ATCAY: variants seen among roughly 807,000 people sequenced by gnomAD.
ATCAY encodes the protein ATCAY kinesin light chain interacting caytaxin, also known as caytaxin.
ATCAY carries 22 observed loss-of-function variants against 47.7 expected under a neutral mutation model. The observed-to-expected ratio is 0.46, with a 90% CI of 0.33 to 0.66. ATCAY has a LOEUF of 0.66. Ranked by LOEUF, ATCAY falls within the 30% of genes least tolerant of loss-of-function variation. The pLI is 0.02. For synonymous variants in ATCAY, 216 were observed against 207.6 expected, an observed-to-expected ratio of 1.04 and a Z score of -0.35; for missense variants, 452 against 515.0, an observed-to-expected ratio of 0.88 and a Z score of 1.18.
At chr19:3,909,675 G>A in intron 7 of ATCAY, 58 bp downstream of exon 7, 1 of 1,542,254 alleles carries the variant, frequency 6.5e-7, no homozygotes, top group Non-Finnish European at 8.7e-7. Context: ...ACAGGGGGCT[G>A]GACATGGTGG....
chr19:3,885,779 C>G lies in ATCAY; in HGVS notation c.12C>G (p.Thr4=). The G allele has an allele frequency of 6.4e-7, 1 of 1,551,406 alleles. No homozygotes were observed. Among genetic ancestry groups the G allele is most frequent in the Non-Finnish European group, 8.7e-7 (1 of 1,147,214 alleles). The change falls in exon 2 of 13, where the codon ACC becomes ACG. Residue 4 remains threonine (T), a synonymous_variant. Transcript: ENST00000450849. ...TCTTCCCAGCTCCCATGGGGACCAC[C>G]GAAGCCACGCTCCGGATGGAAAACG... MGT[T]EATLRMENVD...
chr19:3,892,034 C>T (rs1311100560), intron 2 of ATCAY, among the ~76,000 whole-genome samples: 2 of 151,936 alleles, frequency 1.3e-5, no homozygotes, highest in Admixed American at 6.6e-5. Flanking sequence ...AGTTTACAGG[C>T]GCCCACCACC....
intron 2 of ATCAY, among the ~76,000 whole-genome samples, chr19:3,886,179 C>A (rs1010821700): frequency 6.6e-6 from 1 of 152,154 alleles, no homozygotes; most frequent in African/African-American, 2.4e-5. Context: ...CTGGGCGCGG[C>A]GGTTCACGCC....
intron 2 of ATCAY, among the ~76,000 whole-genome samples, chr19:3,892,723 C>T (rs1479867244): frequency 4.6e-5 from 7 of 152,084 alleles, no homozygotes; most frequent in African/African-American, 9.7e-5. Context: ...CCTAGGCCAA[C>T]ATGGTGAAAC....
intron 2 of ATCAY, among the ~76,000 whole-genome samples, chr19:3,900,689 C>T (rs988017153): frequency 4.0e-5 from 6 of 151,350 alleles, no homozygotes; most frequent in Admixed American, 6.6e-5. Context: ...GTGTCCTCCA[C>T]CATGCCTGCC....
rs764388997 is a variant in ATCAY at position 3,908,270 on chromosome 19, T to C, written c.547T>C (p.Tyr183His). 4 of 1,572,110 alleles carry C rather than the reference T, an allele frequency of 2.5e-6. No homozygotes were observed. The highest frequency in any genetic ancestry group is 2.3e-5 in the South Asian group (2 of 85,642). Residue 183 changes from tyrosine (Y) to histidine (H), a missense_variant and splice_region_variant, in exon 6 of 13, where the codon TAC becomes CAC. Coordinates refer to ENST00000450849, the MANE Select transcript of ATCAY (RefSeq NM_033064.5). ...GCCGATCGGCTGCCTCTCCTCAGGG[T>C]ACTACGGCGAAGGCCTCAACGCCAT... is the stretch of plus-strand genomic sequence containing the variant. ...PYMKVVTHGG[Y>H]YGEGLNAIIV...
intron 5 of ATCAY, 107 bp from the exon 6 acceptor site, chr19:3,908,161 C>A: frequency 9.1e-7 from 1 of 1,100,202 alleles, no homozygotes; most frequent in Non-Finnish European, 1.3e-6. Flanking sequence ...GGCTCGGAGC[C>A]ATGCCCTCCC....
chr19:3,886,325 A>G (rs141891638), intron 2 of ATCAY, among the ~76,000 whole-genome samples: 3,127 of 148,706 alleles, frequency 0.021, 73 homozygotes, highest in East Asian at 0.056. Context: ...GGGCGCAGTG[A>G]CTCATGCCTG....
rs201501328 is a variant in ATCAY, at chr19:3,905,592, G to A, written c.295G>A (p.Glu99Lys). ...CCTGGATATTAACGTGGATGACATC[G>A]AGACCCCCGATGAGACCGACTCGCT... The part of the protein sequence containing the change: ...DDLDINVDDI[E>K]TPDETDSLEF... Residue 99 changes from glutamate (E) to lysine (K), a missense_variant, in exon 4 of 13, where the codon GAG becomes AAG. Transcript: ENST00000450849. The A allele has an allele frequency of 2.7e-5, 43 of 1,613,724 alleles. No homozygotes were observed. The highest frequency in any genetic ancestry group is 2.2e-4 in the Admixed American group (13 of 59,946).
At chr19:3,917,627 G>GAA in intron 9 of ATCAY, 115 bp from the exon 10 acceptor site, 1 of 347,702 alleles carries the variant, frequency 2.9e-6, no homozygotes, top group East Asian at 6.1e-5. Flanking sequence ...AGAAGAAGAA[G>GAA]AAAAGAAAGA....
intron 2 of ATCAY, among the ~76,000 whole-genome samples, chr19:3,887,400 G>T (rs1238875283): frequency 6.6e-6 from 1 of 152,018 alleles, no homozygotes; most frequent in African/African-American, 2.4e-5. Flanking sequence ...AGAGGTTGCA[G>T]CGAGCCATGA....
chr19:3,894,146 A>C (rs1599280389), intron 2 of ATCAY, among the ~76,000 whole-genome samples: 1 of 152,080 alleles, frequency 6.6e-6, no homozygotes, highest in Non-Finnish European at 1.5e-5. Context: ...TGAGCCCAGG[A>C]GTTCAAGACC....
chr19:3,890,344 C>A (rs958583967), intron 2 of ATCAY, among the ~76,000 whole-genome samples: 19 of 144,376 alleles, frequency 1.3e-4, no homozygotes, highest in Non-Finnish European at 2.4e-4. Context: ...CTCACTGCAA[C>A]CTCCACCTCC....
At chr19:3,884,380 G>A (rs1310304394) in intron 1 of ATCAY, among the ~76,000 whole-genome samples, 1 of 152,138 alleles carries the variant, frequency 6.6e-6, no homozygotes, top group Non-Finnish European at 1.5e-5. Context: ...CTGCCTTAGT[G>A]AGCCCTGGAG....
intron 4 of ATCAY, among the ~76,000 whole-genome samples, chr19:3,906,464 G>A (rs117851355): frequency 0.018 from 2,766 of 151,694 alleles, 45 homozygotes; most frequent in Middle Eastern, 0.048. Context: ...TACCACTTCC[G>A]GCTGATGTTT....
intron 5 of ATCAY, 123 bp downstream of exon 5, chr19:3,908,042 G>A (rs770607358): frequency 8.1e-5 from 107 of 1,323,072 alleles, no homozygotes; most frequent in Admixed American, 5.8e-4. Flanking sequence ...TCGGGTGGAC[G>A]GACTGTGGGC....
rs1216181870 is a variant in ATCAY, at chr19:3,924,801, G to C, written c.*209G>C. On this transcript the variant is annotated 3_prime_UTR_variant, in exon 13 of 13. Transcript: ENST00000450849. ...TTTTTTTTTTAACGATGCAGTATTT[G>C]TGCGTTCCAGAAAAGGGCCCAGCTC... 3.5e-6 allele frequency: 2 copies of C among 569,700 alleles called. No homozygotes were observed. The highest frequency in any genetic ancestry group is 6.2e-5 in the Admixed American group (2 of 32,362). 35.3% of individuals were successfully genotyped at this position (569,700 alleles called of 1,614,324 possible).
In ATCAY at chr19:3,885,792, C is replaced by T; in HGVS notation, c.25C>T (p.Arg9Trp). ...CATGGGGACCACCGAAGCCACGCTCCGGATGGAAAACGTGGACGTGAAGGA... is the reference window on the plus strand; with the variant it reads ...CATGGGGACCACCGAAGCCACGCTCTGGATGGAAAACGTGGACGTGAAGGA... Reference protein sequence around the residue: MGTTEATLRMENVDVKEEW... With the variant: MGTTEATLWMENVDVKEEW... The change falls in exon 2 of 13, where the codon CGG becomes TGG. Residue 9 changes from arginine to tryptophan, a missense_variant. Arg to Trp is a moderately radical substitution (Grantham distance 101). Coordinates refer to ENST00000450849, the MANE Select transcript of ATCAY (RefSeq NM_033064.5). 2.6e-6 allele frequency: 4 copies of T among 1,551,798 alleles called. No homozygotes were observed. Among genetic ancestry groups the T allele is most frequent in the Non-Finnish European group, 3.5e-6 (4 of 1,147,382 alleles).
In ATCAY at chr19:3,917,745, C is replaced by T. The variant is rs751742218; in HGVS notation, c.969C>T (p.Tyr323=). The change falls in exon 10 of 13, where the codon TAC becomes TAT. Residue 323 remains tyrosine (Y), a synonymous_variant. Transcript: ENST00000450849. ...GACATCTTTTTCTTTCTTTCAGATA[C>T]GAAGAGGAAAGACTGAAGGCCAGGA... ...HVQIPDCVLQ[Y]EEERLKARRE... is the part of the protein sequence containing the mutation. 10 of 1,613,138 alleles carry T rather than the reference C, an allele frequency of 6.2e-6. No individual in the cohort carries two copies. Among genetic ancestry groups the T allele is most frequent in the African/African-American group, 2.7e-5 (2 of 74,806 alleles).
Sources: allele counts gnomAD v4.1 joint callset (sites outside exome capture counted in the v4.1 genomes callset), GRCh38; gene constraint gnomAD v4.1.1; transcripts MANE v1.5; gene names NCBI Gene and HGNC (gene_info 2026-07-23, HGNC 2026-07-21).